GRM7: variants seen among roughly 807,000 people sequenced by gnomAD.
The protein encoded by GRM7 is metabotropic glutamate receptor 7.
GRM7 carries 35 observed loss-of-function variants against 84.5 expected under a neutral mutation model. That is an observed-to-expected ratio of 0.41 (90% CI 0.32 to 0.55). GRM7 has a LOEUF of 0.55. Ranked by LOEUF, GRM7 falls within the 20% of genes least tolerant of loss-of-function variation. The probability of loss-of-function intolerance (pLI) is 0.19; values close to 1 mark genes in which losing one functional copy is unlikely to be tolerated. For synonymous variants in GRM7, 487 were observed against 455.1 expected (o/e 1.07, Z -0.89); for missense variants, 1,003 against 1,194.6 (o/e 0.84, Z 2.36).
Position 7,099,378 on chromosome 3 carries a change from A to G in GRM7, c.520-47074A>G, listed in dbSNP as rs969107576. ...TGTACACATGTATACATATATACAT[A>G]TATAATATATACATTATATACATAC... is the stretch of plus-strand genomic sequence containing the variant. On this transcript the variant is annotated intron_variant, in intron 1 of 9. Transcript: ENST00000357716. 3.4e-4 allele frequency among the ~76,000 whole-genome samples: 51 copies of G among 148,076 alleles called. 1 individual carries two copies. Among genetic ancestry groups the G allele is most frequent in the East Asian group, 2.0e-4 (1 of 5,050 alleles).
intron 1 of GRM7, among the ~76,000 whole-genome samples, chr3:7,056,560 G>A (rs1323299366): frequency 1.3e-5 from 2 of 151,892 alleles, no homozygotes; most frequent in East Asian, 3.9e-4. Context: ...TCCACTTTTT[G>A]GAATAAGTAT....
chr3:7,578,545 C>A lies in GRM7; in HGVS notation c.1639C>A (p.Pro547Thr), dbSNP rs756759044. The A allele has an allele frequency of 1.2e-6, 2 of 1,613,902 alleles. No homozygotes were observed. The highest frequency in any genetic ancestry group is 2.2e-5 in the South Asian group (2 of 91,068). The change falls in exon 8 of 10, where the codon CCT becomes ACT. Residue 547 changes from proline to threonine, a missense_variant. Transcript: ENST00000357716. Reference protein sequence around the residue: ...KGTPCCWTCEPCDGYQYQFDE... With the variant: ...KGTPCCWTCETCDGYQYQFDE... ...AACTCCTTGCTGTTGGACCTGTGAGCCTTGCGATGGTTACCAGTACCAGTT... is the reference window on the plus strand; with the variant it reads ...AACTCCTTGCTGTTGGACCTGTGAGACTTGCGATGGTTACCAGTACCAGTT...
chr3:7,060,315 C>G (rs1697391323), intron 1 of GRM7, among the ~76,000 whole-genome samples: 3 of 151,806 alleles, frequency 2.0e-5, no homozygotes, highest in Admixed American at 2.0e-4. Flanking sequence ...CTAACAGGAT[C>G]TTGAATTCAT....
intron 1 of GRM7, among the ~76,000 whole-genome samples, chr3:6,971,335 C>G (rs1443328692): frequency 6.6e-6 from 1 of 152,132 alleles, no homozygotes; most frequent in African/African-American, 2.4e-5. Flanking sequence ...CAATTACAAC[C>G]TCATAGAAAT....
intron 2 of GRM7, among the ~76,000 whole-genome samples, chr3:7,232,629 G>A (rs1697230385): frequency 6.6e-6 from 1 of 152,204 alleles, no homozygotes; most frequent in Admixed American, 6.5e-5. Context: ...AGTTTGTAAT[G>A]AGAGGCTTTT....
intron 1 of GRM7, among the ~76,000 whole-genome samples, chr3:7,133,801 T>C (rs1693681105): frequency 6.6e-6 from 1 of 152,172 alleles, no homozygotes; most frequent in Non-Finnish European, 1.5e-5. Flanking sequence ...CAATTAAGAT[T>C]AGGAAGGAGG....
intron 8 of GRM7, among the ~76,000 whole-genome samples, chr3:7,676,911 CT>C (rs1016046723): frequency 1.1e-4 from 17 of 151,964 alleles, no homozygotes; most frequent in Non-Finnish European, 4.4e-5. Context: ...AACAAATTAC[CT>C]AATAATGCAT....
chr3:7,352,902 T>G (rs1225321974), intron 4 of GRM7, among the ~76,000 whole-genome samples: 2 of 152,110 alleles, frequency 1.3e-5, no homozygotes, highest in African/African-American at 4.8e-5. Context: ...TCTTTCTCAA[T>G]CAATGTCCTC....
intron 2 of GRM7, among the ~76,000 whole-genome samples, chr3:7,287,300 A>G (rs1447156647): frequency 2.0e-5 from 3 of 152,184 alleles, no homozygotes; most frequent in South Asian, 2.1e-4. Context: ...AATTCTCTAA[A>G]GAAAACAGAA....
At chr3:7,213,656 T>C (rs1357892029) in intron 2 of GRM7, among the ~76,000 whole-genome samples, 2 of 152,186 alleles carry the variant, frequency 1.3e-5, no homozygotes, top group Admixed American at 6.5e-5. Context: ...GATGAACTTC[T>C]ACGCAGTCAC....
intron 4 of GRM7, among the ~76,000 whole-genome samples, chr3:7,402,160 A>G (rs371345042): frequency 1.3e-5 from 2 of 152,128 alleles, no homozygotes. Flanking sequence ...CATCTCTTCT[A>G]TAAAGTGAGC....
chr3:7,251,090 T>A (rs1697967396), intron 2 of GRM7, among the ~76,000 whole-genome samples: 1 of 152,168 alleles, frequency 6.6e-6, no homozygotes, highest in Non-Finnish European at 1.5e-5. Flanking sequence ...AAGTGTATTC[T>A]AAGGCTTGGT....
At chr3:7,103,831 T>C (rs1457317355) in intron 1 of GRM7, among the ~76,000 whole-genome samples, 1 of 129,976 alleles carries the variant, frequency 7.7e-6, no homozygotes, top group East Asian at 2.2e-4. Flanking sequence ...TCTCTCTCTG[T>C]CTCTCTCTCC....
chr3:7,592,026 G>T (rs1368262867), intron 8 of GRM7, among the ~76,000 whole-genome samples: 1 of 152,052 alleles, frequency 6.6e-6, no homozygotes, highest in Non-Finnish European at 1.5e-5. Flanking sequence ...AATAGTATTT[G>T]TCTCATAAGG....
intron 5 of GRM7, among the ~76,000 whole-genome samples, chr3:7,446,964 T>G (rs967358026): frequency 1.2e-4 from 18 of 151,338 alleles, no homozygotes; most frequent in Non-Finnish European, 2.5e-4. Context: ...GTGAAAGAAT[T>G]TATGGGTTAT....
At chr3:7,612,099 AT>A (rs1485041674) in intron 8 of GRM7, among the ~76,000 whole-genome samples, 1 of 152,076 alleles carries the variant, frequency 6.6e-6, no homozygotes, top group Non-Finnish European at 1.5e-5. Context: ...TTGGTTAGTA[AT>A]TCTGTTGTCA....
chr3:6,911,333 T>C (rs985552982), intron 1 of GRM7, among the ~76,000 whole-genome samples: 1 of 152,120 alleles, frequency 6.6e-6, no homozygotes, highest in Admixed American at 6.6e-5. Context: ...TTATTTACTT[T>C]TTAGAATACC....
intron 2 of GRM7, among the ~76,000 whole-genome samples, chr3:7,187,144 A>G (rs1260626838): frequency 6.6e-6 from 1 of 152,130 alleles, no homozygotes; most frequent in Non-Finnish European, 1.5e-5. Flanking sequence ...GAGTTTTCAG[A>G]TCTTCATCAA....
chr3:7,019,864 T>C (rs1371848919), intron 1 of GRM7, among the ~76,000 whole-genome samples: 1 of 152,094 alleles, frequency 6.6e-6, no homozygotes, highest in Non-Finnish European at 1.5e-5. Flanking sequence ...AGAAAAACAA[T>C]AACAACTATT....
Sources: gnomAD v4.1 joint callset for allele counts (sites outside exome capture counted in the v4.1 genomes callset) on GRCh38, gnomAD v4.1.1 for gene constraint, MANE v1.5 for transcripts, NCBI Gene and HGNC (gene_info 2026-07-23, HGNC 2026-07-21) for gene names.